PLCG2: variants seen among roughly 807,000 people sequenced by gnomAD.
PLCG2 encodes the protein phospholipase C gamma 2, also known as 1-phosphatidylinositol 4,5-bisphosphate phosphodiesterase gamma-2.
In PLCG2, 69 loss-of-function variants were observed where a neutral mutation model predicts 175.6. The observed-to-expected ratio is 0.39, with a 90% CI of 0.32 to 0.48. The LOEUF (loss-of-function observed/expected upper bound fraction) is 0.48. Among genes scored for constraint, PLCG2 ranks in the 20% least tolerant of loss-of-function variants. The probability of loss-of-function intolerance (pLI) is 0.91; values close to 1 mark genes in which losing one functional copy is unlikely to be tolerated. For missense variants in PLCG2, 1,798 were observed against 1,650.9 expected (o/e 1.09, Z -1.54); for synonymous variants, 827 against 624.0 (o/e 1.33, Z -4.85).
At chr16:81,774,804 G>A (rs370665175), upstream of PLCG2, among the ~76,000 whole-genome samples, 6 of 151,562 alleles carry the variant, frequency 4.0e-5, no homozygotes, top group African/African-American at 1.5e-4. Flanking sequence ...AGTGGCACAT[G>A]ATCTCGGCTC....
At chr16:81,783,002 C>A (rs908931622) in intron 1 of PLCG2, 1 of 416,600 alleles carries the variant, frequency 2.4e-6, no homozygotes, top group South Asian at 1.7e-5. Context: ...GTGTTTATGG[C>A]TGAGTTGATC....
chr16:81,861,426 G>C (rs544025120), intron 5 of PLCG2, among the ~76,000 whole-genome samples: 3 of 152,208 alleles, frequency 2.0e-5, no homozygotes, highest in African/African-American at 7.2e-5. Context: ...CCCGATGGGA[G>C]GATTTGGAAC....
chr16:81,883,435 C>A (rs565528737), intron 9 of PLCG2, 94 bp downstream of exon 9: 2 of 950,328 alleles, frequency 2.1e-6, no homozygotes, highest in East Asian at 5.1e-5. Context: ...CACCTGGTCA[C>A]CTGTGCTCAC....
At chr16:81,921,519 T>G in intron 21 of PLCG2, 1 of 502,972 alleles carries the variant, frequency 2.0e-6, no homozygotes, top group South Asian at 2.0e-5. Flanking sequence ...CGAACCACCT[T>G]TGGGCCAAAT....
At chr16:81,885,976 T>G (rs1908341456) in intron 9 of PLCG2, among the ~76,000 whole-genome samples, 1 of 152,240 alleles carries the variant, frequency 6.6e-6, no homozygotes, top group African/African-American at 2.4e-5. Context: ...TTAATTTTAT[T>G]GGGCACAGTC....
intron 13 of PLCG2, among the ~76,000 whole-genome samples, chr16:81,896,620 A>T (rs1394673398): frequency 6.6e-6 from 1 of 152,126 alleles, no homozygotes; most frequent in African/African-American, 2.4e-5. Context: ...AAAAAAAGTG[A>T]GGCAAGGAAA....
chr16:81,787,750 A>G (rs899642969), intron 2 of PLCG2, among the ~76,000 whole-genome samples: 3 of 151,904 alleles, frequency 2.0e-5, no homozygotes, highest in Admixed American at 2.0e-4. Flanking sequence ...CCCCTACCAG[A>G]CGTAAGCAAC....
chr16:81,843,118 T>C (rs1351528935), intron 2 of PLCG2, among the ~76,000 whole-genome samples: 1 of 152,268 alleles, frequency 6.6e-6, no homozygotes, highest in East Asian at 1.9e-4. Flanking sequence ...ACTCGGCCAC[T>C]GAGCCCCACC....
At chr16:81,956,426 C>G (rs994933915) in intron 31 of PLCG2, among the ~76,000 whole-genome samples, 1 of 152,150 alleles carries the variant, frequency 6.6e-6, no homozygotes, top group Non-Finnish European at 1.5e-5. Context: ...GAAATAGGAT[C>G]TACAGGAAAT....
rs374768937 is a variant in PLCG2 at position 81,912,698 on chromosome 16, C to G, written c.2036C>G (p.Ser679Cys). ...FLIRKREGSD[S>C]YAITFRARGK... Reference sequence around the variant, plus strand: ...ATCCGGAAGCGAGAGGGGAGCGACTCCTATGCCATCACCTTCAGGTGGGTG... The same window carrying G: ...ATCCGGAAGCGAGAGGGGAGCGACTGCTATGCCATCACCTTCAGGTGGGTG... Residue 679 changes from serine (S) to cysteine (C), a missense_variant, in exon 19 of 33, where the codon TCC (serine) becomes TGC (cysteine). Physicochemically the swap from Ser to Cys is moderately radical, Grantham distance 112. Coordinates refer to ENST00000564138, the MANE Select transcript of PLCG2 (RefSeq NM_002661.5). 2.7e-5 allele frequency: 43 copies of G among 1,609,020 alleles called. No individual in the cohort carries two copies. In the African/African-American group the frequency reaches 5.6e-4, roughly 21 times the overall value.
At chr16:81,751,491 G>A (rs1457401905) in intron 1 of PLCG2, among the ~76,000 whole-genome samples, 1 of 152,182 alleles carries the variant, frequency 6.6e-6, no homozygotes, top group East Asian at 1.9e-4. Context: ...TGGGGAGATG[G>A]TGGTCAAAGC....
chr16:81,937,849 T>C lies in PLCG2; in HGVS notation c.3144T>C (p.Tyr1048=), dbSNP rs570315770. The C allele has an allele frequency of 1.2e-6, 2 of 1,614,124 alleles. No individual in the cohort carries two copies. The highest frequency in any genetic ancestry group is 2.2e-5 in the East Asian group (1 of 44,882). Residue 1048 remains tyrosine, a synonymous_variant, in exon 28 of 33, where the codon TAT becomes TAC. Transcript: ENST00000564138. Reference sequence around the variant, plus strand: ...CTGAGAGCATGAGGACAGAGAAATATGACCCGATGCCACCCGAGTCCCAGA... The same window carrying C: ...CTGAGAGCATGAGGACAGAGAAATACGACCCGATGCCACCCGAGTCCCAGA... ...LQPESMRTEK[Y]DPMPPESQRK...
At chr16:81,847,235 C>T (rs1847007970) in intron 2 of PLCG2, among the ~76,000 whole-genome samples, 2 of 152,328 alleles carry the variant, frequency 1.3e-5, no homozygotes, top group African/African-American at 4.8e-5. Flanking sequence ...AGAAGAGATG[C>T]ATAGGGCATA....
At chr16:81,818,949 T>G (rs1421971854) in intron 2 of PLCG2, among the ~76,000 whole-genome samples, 1 of 147,366 alleles carries the variant, frequency 6.8e-6, no homozygotes, top group Non-Finnish European at 1.5e-5. Flanking sequence ...AAATACAGCT[T>G]TTTAGTGAGA....
intron 20 of PLCG2, among the ~76,000 whole-genome samples, chr16:81,920,695 G>A (rs1215632798): frequency 6.6e-6 from 1 of 152,172 alleles, no homozygotes; most frequent in African/African-American, 2.4e-5. Context: ...CAGAGAGGTG[G>A]TGGGGGTGGA....
chr16:81,792,099 C>G (rs1214963341), intron 2 of PLCG2, among the ~76,000 whole-genome samples: 3 of 152,310 alleles, frequency 2.0e-5, no homozygotes, highest in Non-Finnish European at 2.9e-5. Flanking sequence ...CAGCCAAGCT[C>G]CCACATGAGC....
At chr16:81,804,929 A>T (rs151102916) in intron 2 of PLCG2, among the ~76,000 whole-genome samples, 1 of 152,188 alleles carries the variant, frequency 6.6e-6, no homozygotes, top group South Asian at 2.1e-4. Flanking sequence ...ACATGTATCC[A>T]TGTGATCATG....
chr16:81,778,026 A>AAC (rs778730925), upstream of PLCG2, among the ~76,000 whole-genome samples: 10 of 83,514 alleles, frequency 1.2e-4, no homozygotes, highest in Admixed American at 6.6e-4. Flanking sequence ...CAAAAAAAAA[A>AAC]AAAAACAAAA....
chr16:81,767,140 T>G (rs11860790), intron 2 of PLCG2, among the ~76,000 whole-genome samples: 2,170 of 126,000 alleles, frequency 0.017, 60 homozygotes, highest in African/African-American at 0.058. Flanking sequence ...CTCGTGGTTT[T>G]TTTTTTTTTT....
Sources: gnomAD v4.1 joint callset for allele counts (sites outside exome capture counted in the v4.1 genomes callset) on GRCh38, gnomAD v4.1.1 for gene constraint, MANE v1.5 for transcripts, NCBI Gene and HGNC (gene_info 2026-07-23, HGNC 2026-07-21) for gene names.